Variants in SLC19A2 observed in about 807,000 individuals in gnomAD.
SLC19A2 encodes the protein thiamine transporter 1.
Under a neutral mutation model 44.7 loss-of-function variants are expected in SLC19A2, and 27 were observed. That is an observed-to-expected ratio of 0.60 (90% confidence interval 0.45 to 0.83). SLC19A2 has a LOEUF of 0.83. Among genes scored for constraint, SLC19A2 ranks in the 40% least tolerant of loss-of-function variants. SLC19A2 has a pLI of 0.00. For synonymous variants in SLC19A2, 239 were observed against 243.6 expected, an observed-to-expected ratio of 0.98 and a Z score of 0.18; for missense variants, 566 against 613.7, an observed-to-expected ratio of 0.92 and a Z score of 0.82.
intron 2 of SLC19A2, among the ~76,000 whole-genome samples, chr1:169,472,656 G>A (rs1175641905): frequency 6.6e-6 from 1 of 152,170 alleles, no homozygotes; most frequent in African/African-American, 2.4e-5. Flanking sequence ...ACATAATAAT[G>A]AATTCCACAC....
At chr1:169,472,322 G>A (rs1421475913) in intron 2 of SLC19A2, among the ~76,000 whole-genome samples, 2 of 152,104 alleles carry the variant, frequency 1.3e-5, no homozygotes, top group African/African-American at 4.8e-5. Flanking sequence ...AAACAACTGG[G>A]ATATCTAAAA....
At chr1:169,475,917 T>A (rs1190674002) in intron 2 of SLC19A2, among the ~76,000 whole-genome samples, 1 of 152,186 alleles carries the variant, frequency 6.6e-6, no homozygotes, top group Non-Finnish European at 1.5e-5. Context: ...ACAATTCAGT[T>A]AACTCTCAGT....
At chr1:169,468,391 G>A in intron 4 of SLC19A2, 139 bp from the exon 5 acceptor site, 1 of 768,360 alleles carries the variant, frequency 1.3e-6, no homozygotes. Context: ...CCAACCAAAT[G>A]AAAACATTCT....
intron 1 of SLC19A2, among the ~76,000 whole-genome samples, chr1:169,478,440 G>A (rs1030956681): frequency 2.7e-5 from 4 of 147,244 alleles, no homozygotes; most frequent in East Asian, 2.0e-4. Context: ...TGCAACCTCC[G>A]CCTCAGGTGA....
Position 169,483,534 on chromosome 1 carries a change from T to C in SLC19A2, c.204+2029A>G, listed in dbSNP as rs528861677. 2.2e-4 allele frequency among the ~76,000 whole-genome samples: 33 copies of C among 152,348 alleles called. 1 individual carries two copies. Among genetic ancestry groups the C allele is most frequent in the African/African-American group, 7.9e-4 (33 of 41,592 alleles). On this transcript the variant is annotated intron_variant, in intron 1 of 5. Transcript: ENST00000236137. ...ACGCTTTTCCTCAACTAATTTGCAA[T>C]AAGAGAAGTACACTTATGTTTTTTG...
intron 5 of SLC19A2, among the ~76,000 whole-genome samples, chr1:169,467,378 CTAT>C (rs1658016442): frequency 1.3e-5 from 2 of 152,240 alleles, no homozygotes; most frequent in South Asian, 4.1e-4. Context: ...TGCACATTGT[CTAT>C]TATTACTATT....
At chr1:169,469,123 G>A (rs1435148931) in intron 3 of SLC19A2, 2 of 404,066 alleles carry the variant, frequency 4.9e-6, no homozygotes, top group African/African-American at 2.1e-5. Context: ...TGCAGCTGAA[G>A]CAGAGGCAAG....
chr1:169,476,442 G>T (rs1400121343), intron 2 of SLC19A2, among the ~76,000 whole-genome samples: 1 of 152,188 alleles, frequency 6.6e-6, no homozygotes, highest in Non-Finnish European at 1.5e-5. Flanking sequence ...TTCATGACTG[G>T]GTGCGGTGGC....
At chr1:169,483,621 A>G (rs1206358129) in intron 1 of SLC19A2, among the ~76,000 whole-genome samples, 1 of 152,240 alleles carries the variant, frequency 6.6e-6, no homozygotes, top group Non-Finnish European at 1.5e-5. Flanking sequence ...TGCCCCCTGA[A>G]CACACTTCAC....
chr1:169,466,526 AT>A (rs11325398), intron 5 of SLC19A2, among the ~76,000 whole-genome samples: 41,995 of 149,036 alleles, frequency 0.28, 6,876 homozygotes, highest in Non-Finnish European at 0.38. Flanking sequence ...CCCTAAGACA[AT>A]TTTTTTTTTT....
At chr1:169,483,523 C>A (rs1658487548) in intron 1 of SLC19A2, among the ~76,000 whole-genome samples, 1 of 152,188 alleles carries the variant, frequency 6.6e-6, no homozygotes, top group Non-Finnish European at 1.5e-5. Context: ...TTTTCCTCAA[C>A]TAATTTGCAA....
rs1316461339 is a variant in SLC19A2, at chr1:169,468,705, C to A, written c.1162G>T (p.Val388Leu). 1 of 1,613,774 alleles carries A rather than the reference C, an allele frequency of 6.2e-7. No homozygotes were observed. The highest frequency in any genetic ancestry group is 8.5e-7 in the Non-Finnish European group (1 of 1,179,810). ...AAGACAACATAGGATGCATAGCACA[C>A]CCAAATGTTACCCACAGTGTCCATG... ...YIMDTVGNIW[V>L]CYASYVVFRI... Residue 388 changes from valine to leucine, a missense_variant, in exon 4 of 6, where the codon GTG becomes TTG. Physicochemically the swap from Val to Leu is conservative, Grantham distance 32. Transcript: ENST00000236137.
chr1:169,463,916 TAA>T lies in SLC19A2; in HGVS notation c.*1931_*1932del, dbSNP rs1247294992. On this transcript the variant is annotated 3_prime_UTR_variant, in exon 6 of 6. Transcript: ENST00000236137. Reference sequence around the variant, plus strand: ...AAGATAAATTTAAAACAATTTTGATTAAAAAGAGAAAATATACTGTAAAATAT... The same window carrying T: ...AAGATAAATTTAAAACAATTTTGATTAAAGAGAAAATATACTGTAAAATAT... 6.6e-6 allele frequency: 1 copy of T among 151,752 alleles called. No individual in the cohort carries two copies. Among genetic ancestry groups the T allele is most frequent in the African/African-American group, 2.4e-5 (1 of 41,402 alleles). The allele number at this position is 151,752 out of a possible 1,614,324, so 9.4% of individuals were successfully genotyped here. A position where few individuals can be genotyped will look rare whatever the true frequency, so the allele number is the denominator to read the frequency against.
chr1:169,468,481 T>C lies in SLC19A2; in HGVS notation c.1223+163A>G. On this transcript the variant is annotated intron_variant, in intron 4 of 5. Transcript: ENST00000236137. ...AACATGGGAATAAACAAAACTTGCC[T>C]AAATGCTTCCTCAGGAGAAAAACTG... 3 of 703,608 alleles carry C rather than the reference T, an allele frequency of 4.3e-6. No homozygotes were observed. In the South Asian group the frequency reaches 5.8e-5, roughly 14 times the overall value. The allele number at this position is 703,608 out of a possible 1,614,324, so 43.6% of individuals were successfully genotyped here.
At chr1:169,474,206 G>T (rs999287533) in intron 2 of SLC19A2, 1 of 152,058 alleles carries the variant, frequency 6.6e-6, no homozygotes, top group Non-Finnish European at 1.5e-5. Context: ...ATACCAAAGT[G>T]GAAGCATTAA....
In SLC19A2 at chr1:169,464,057, A is replaced by G. The variant is rs537870709; in HGVS notation, c.*1792T>C. The G allele has an allele frequency of 1.3e-5, 2 of 152,608 alleles. No homozygotes were observed. The highest frequency in any genetic ancestry group is 4.1e-4 in the South Asian group (2 of 4,838). The allele number at this position is 152,608 out of a possible 1,614,324, so 9.5% of individuals were successfully genotyped here. ...GTACAACTTGCACATTGAGTTCAGCATTCTATAAATATGGCCACATACCAA... is the reference window on the plus strand; with the variant it reads ...GTACAACTTGCACATTGAGTTCAGCGTTCTATAAATATGGCCACATACCAA... On this transcript the variant is annotated 3_prime_UTR_variant, in exon 6 of 6. Transcript: ENST00000236137.
intron 5 of SLC19A2, among the ~76,000 whole-genome samples, chr1:169,467,353 C>T (rs866836875): frequency 4.8e-4 from 73 of 152,182 alleles, no homozygotes; most frequent in African/African-American, 1.6e-3. Flanking sequence ...GCACTTGACA[C>T]GTAGAGGCAC....
At chr1:169,483,848 G>A (rs1294984523) in intron 1 of SLC19A2, among the ~76,000 whole-genome samples, 3 of 152,236 alleles carry the variant, frequency 2.0e-5, no homozygotes, top group African/African-American at 7.2e-5. Flanking sequence ...GCTGTTCACA[G>A]CAGTATCAAT....
At chr1:169,484,313 G>A (rs576782705) in intron 1 of SLC19A2, among the ~76,000 whole-genome samples, 8 of 152,154 alleles carry the variant, frequency 5.3e-5, no homozygotes, top group Non-Finnish European at 1.0e-4. Context: ...AAATGATTCC[G>A]GTAGTGCCAT....
Sources: gnomAD v4.1 joint callset for allele counts (sites outside exome capture counted in the v4.1 genomes callset) on GRCh38, gnomAD v4.1.1 for gene constraint, MANE v1.5 for transcripts, NCBI Gene and HGNC (gene_info 2026-07-23, HGNC 2026-07-21) for gene names.